GLIS3: variants seen among roughly 807,000 people sequenced by gnomAD.
GLIS3 encodes the protein zinc finger protein GLIS3.
In GLIS3, 53 loss-of-function variants were observed where a neutral mutation model predicts 78.6. The observed-to-expected ratio is 0.67, with a 90% CI of 0.54 to 0.85. The LOEUF (loss-of-function observed/expected upper bound fraction) is 0.85. Among genes scored for constraint, GLIS3 ranks in the 40% least tolerant of loss-of-function variants. GLIS3 has a pLI of 0.00. For synonymous variants in GLIS3, 684 were observed against 509.9 expected, an observed-to-expected ratio of 1.34 and a Z score of -4.60; for missense variants, 1,703 against 1,231.1, an observed-to-expected ratio of 1.38 and a Z score of -5.74.
Position 4,060,050 on chromosome 9 carries a change from A to G in GLIS3, c.1710+57718T>C, listed in dbSNP as rs529010925. ...AATGCATCCTTCCTCCTGGAACCCA[A>G]GGTTCCTGGCCAACCTGGTCAACTC... is the stretch of plus-strand genomic sequence containing the variant. On this transcript the variant is annotated intron_variant, in intron 4 of 10. Coordinates refer to ENST00000381971, the MANE Select transcript of GLIS3 (RefSeq NM_001042413.2). Among the ~76,000 whole-genome samples the G allele has an allele frequency of 3.3e-5, 5 of 152,114 alleles. No homozygotes were observed. In the South Asian group the frequency reaches 1.0e-3, roughly 32 times the overall value.
chr9:4,187,829 T>C (rs1817951229), intron 2 of GLIS3, among the ~76,000 whole-genome samples: 1 of 151,886 alleles, frequency 6.6e-6, no homozygotes, highest in Non-Finnish European at 1.5e-5. Flanking sequence ...ATGCTTGTGA[T>C]TTTTGCACAT....
intron 2 of GLIS3, among the ~76,000 whole-genome samples, chr9:4,221,198 A>G (rs1821303538): frequency 1.3e-5 from 2 of 152,206 alleles, no homozygotes; most frequent in South Asian, 4.1e-4. Flanking sequence ...AACTCTTGTC[A>G]TTTTTGAAGA....
intron 4 of GLIS3, among the ~76,000 whole-genome samples, chr9:3,970,866 C>G (rs1034690907): frequency 2.0e-5 from 3 of 151,950 alleles, no homozygotes; most frequent in African/African-American, 7.3e-5. Context: ...AAAGCAGGTT[C>G]AGAGGCACAA....
intron 4 of GLIS3, among the ~76,000 whole-genome samples, chr9:4,076,672 A>T (rs1171492761): frequency 2.0e-5 from 3 of 152,200 alleles, no homozygotes; most frequent in Admixed American, 2.0e-4. Context: ...TGTGAATTTA[A>T]ATATGTACTA....
At chr9:4,478,463 T>C in the GLIS3 span, among the ~76,000 whole-genome samples, 2 of 151,882 alleles carry the variant, frequency 1.3e-5, no homozygotes, top group East Asian at 3.9e-4. Context: ...ATACAAAAAT[T>C]AGTTCGGCCT....
At chr9:4,395,634 T>C in the GLIS3 span, among the ~76,000 whole-genome samples, 1 of 152,226 alleles carries the variant, frequency 6.6e-6, no homozygotes, top group Non-Finnish European at 1.5e-5. Flanking sequence ...AACCAAAATA[T>C]CTCCAGCCTT....
intron 4 of GLIS3, among the ~76,000 whole-genome samples, chr9:4,038,697 T>C (rs931343176): frequency 1.6e-4 from 24 of 152,210 alleles, no homozygotes; most frequent in African/African-American, 5.3e-4. Context: ...GTGACATAGT[T>C]TGGCCACACG....
At chr9:3,888,119 T>C (rs1041989745) in intron 7 of GLIS3, among the ~76,000 whole-genome samples, 1 of 151,932 alleles carries the variant, frequency 6.6e-6, no homozygotes, top group Non-Finnish European at 1.5e-5. Context: ...TGGGGCAGAG[T>C]GGGAAGGCAG....
chr9:4,468,048 G>T, the GLIS3 span, among the ~76,000 whole-genome samples: 1 of 152,256 alleles, frequency 6.6e-6, no homozygotes, highest in South Asian at 2.1e-4. Context: ...AGTGATTGAA[G>T]ATCAAATTAA....
chr9:3,828,986 A>G (rs557383080), intron 10 of GLIS3, among the ~76,000 whole-genome samples: 1 of 152,300 alleles, frequency 6.6e-6, no homozygotes, highest in South Asian at 2.1e-4. Context: ...GGCATATTTT[A>G]TCCTTCATTT....
chr9:4,073,602 G>A (rs182547762), intron 4 of GLIS3, among the ~76,000 whole-genome samples: 25 of 152,208 alleles, frequency 1.6e-4, no homozygotes, highest in Admixed American at 1.5e-3. Context: ...CCTGCTGGTG[G>A]TTCATGAAAA....
At chr9:3,945,331 T>C (rs1275846444) in intron 4 of GLIS3, among the ~76,000 whole-genome samples, 1 of 152,228 alleles carries the variant, frequency 6.6e-6, no homozygotes, top group Non-Finnish European at 1.5e-5. Context: ...GATGTTTTAC[T>C]ACTCTATATT....
intron 4 of GLIS3, among the ~76,000 whole-genome samples, chr9:4,107,765 A>C (rs529046167): frequency 4.9e-4 from 75 of 151,916 alleles, no homozygotes; most frequent in Non-Finnish European, 9.0e-4. Context: ...AAAAAAAAAA[A>C]CATGGCTGGC....
chr9:4,082,217 C>G (rs147748439), intron 4 of GLIS3, among the ~76,000 whole-genome samples: 38 of 152,298 alleles, frequency 2.5e-4, no homozygotes, highest in African/African-American at 9.1e-4. Flanking sequence ...AAATGTGGCA[C>G]TGCTTATCAG....
At chr9:4,392,581 AG>A in the GLIS3 span, among the ~76,000 whole-genome samples, 1 of 152,138 alleles carries the variant, frequency 6.6e-6, no homozygotes, top group African/African-American at 2.4e-5. Context: ...AACAGGTGAC[AG>A]TTCCAGCTTT....
intron 6 of GLIS3, among the ~76,000 whole-genome samples, chr9:3,931,613 T>C (rs550240289): frequency 3.2e-4 from 48 of 152,334 alleles, no homozygotes; most frequent in African/African-American, 1.1e-3. Flanking sequence ...GGAAATGCCT[T>C]GAAAGGTAGT....
chr9:4,278,791 C>G (rs1021447098), intron 2 of GLIS3, among the ~76,000 whole-genome samples: 4 of 152,310 alleles, frequency 2.6e-5, no homozygotes, highest in Middle Eastern at 6.8e-3. Flanking sequence ...CTTCACAATG[C>G]AGAGATCTGG....
At chr9:4,321,700 T>C (rs1448571814) in intron 2 of GLIS3, among the ~76,000 whole-genome samples, 2 of 146,006 alleles carry the variant, frequency 1.4e-5, no homozygotes, top group East Asian at 4.0e-4. Context: ...CTGCATTTTG[T>C]GTTTATTTTT....
At chr9:4,471,716 ACACCAAAAGCAATGG>A in the GLIS3 span, among the ~76,000 whole-genome samples, 5 of 152,332 alleles carry the variant, frequency 3.3e-5, no homozygotes, top group East Asian at 1.9e-4. Context: ...CATGACTAAA[ACACCAAAAGCAATGG>A]CAACAAAAGC....
Sources: allele counts gnomAD v4.1 joint callset (sites outside exome capture counted in the v4.1 genomes callset), GRCh38; gene constraint gnomAD v4.1.1; transcripts MANE v1.5; gene names NCBI Gene and HGNC (gene_info 2026-07-23, HGNC 2026-07-21).